The following TBC1D31 variants were observed in gnomAD, a reference collection of about 807,000 sequenced individuals.
TBC1D31 encodes TBC1 domain family member 31, also known as WD repeat domain 67.
In TBC1D31, 99 loss-of-function variants were observed where a neutral mutation model predicts 132.9. That is an observed-to-expected ratio of 0.74 (90% CI 0.63 to 0.88). TBC1D31 has a LOEUF of 0.88. Among genes scored for constraint, TBC1D31 ranks in the 40% least tolerant of loss-of-function variants. The pLI is 0.00. For missense variants in TBC1D31, 1,134 were observed against 1,256.6 expected, an observed-to-expected ratio of 0.90 and a Z score of 1.48; for synonymous variants, 385 against 419.4, an observed-to-expected ratio of 0.92 and a Z score of 1.00.
chr8:123,149,890 A>G (rs1822604000), intron 20 of TBC1D31, 146 bp from the exon 21 acceptor site: 1 of 550,208 alleles, frequency 1.8e-6, no homozygotes, highest in African/African-American at 1.9e-5. Context: ...TTGCCTTTTG[A>G]ATGTTGACCG....
rs1356365900 is a variant in TBC1D31 at position 123,152,026 on chromosome 8, A to G, written c.*87A>G. On this transcript the variant is annotated 3_prime_UTR_variant, in exon 22 of 22. Transcript: ENST00000287380. Reference sequence around the variant, plus strand: ...TTTAGATTATTTATTTAAAATTCCTATAAAGATCAGCCCTTTGTACAGAAA... The same window carrying G: ...TTTAGATTATTTATTTAAAATTCCTGTAAAGATCAGCCCTTTGTACAGAAA... The G allele has an allele frequency of 3.2e-6, 4 of 1,247,444 alleles. No homozygotes were observed. In the East Asian group the frequency reaches 8.5e-5, roughly 26 times the overall value. 77.3% of individuals were successfully genotyped at this position (1,247,444 alleles called of 1,614,324 possible). A position where few individuals can be genotyped will look rare whatever the true frequency, so the allele number is the denominator to read the frequency against.
chr8:123,142,292 C>CCA lies in TBC1D31; in HGVS notation c.2671_2672insCA (p.Gln891ProfsTer5). On this transcript the variant is annotated frameshift_variant, in exon 19 of 22. Coordinates refer to ENST00000287380, the MANE Select transcript of TBC1D31 (RefSeq NM_145647.4). LOFTEE classifies it high-confidence loss of function. ...TAAAGAAAATTTGGCAAAGGCTGAA[C>CCA]AAGCATGCCTAAATACCGACTGGCA... 1 of 1,579,926 alleles carries CCA rather than the reference C, an allele frequency of 6.3e-7. No individual in the cohort carries two copies. Among genetic ancestry groups the CCA allele is most frequent in the Non-Finnish European group, 8.6e-7 (1 of 1,168,108 alleles).
intron 19 of TBC1D31, among the ~76,000 whole-genome samples, chr8:123,143,050 C>T (rs1023976264): frequency 6.6e-6 from 1 of 152,128 alleles, no homozygotes; most frequent in Non-Finnish European, 1.5e-5. Flanking sequence ...TTCAGCCTTT[C>T]TGCACCTCTT....
intron 2 of TBC1D31, among the ~76,000 whole-genome samples, chr8:123,080,824 C>T (rs1042390992): frequency 1.3e-5 from 2 of 152,058 alleles, no homozygotes; most frequent in African/African-American, 4.8e-5. Flanking sequence ...CGTGAGCCAC[C>T]GCACCTGGCT....
At position 123,129,654 on chromosome 8, in the gene TBC1D31, G is replaced by T. The variant is rs548790589; in HGVS notation, c.2270+436G>T. On this transcript the variant is annotated intron_variant, in intron 15 of 21. Coordinates refer to ENST00000287380, the MANE Select transcript of TBC1D31 (RefSeq NM_145647.4). ...CCATTTAACACTTTGGAGGACAGGGGAATGAGTATTAAATGCGTATTCAAA... is the reference window on the plus strand; with the variant it reads ...CCATTTAACACTTTGGAGGACAGGGTAATGAGTATTAAATGCGTATTCAAA... Among the ~76,000 whole-genome samples, 171 of 152,254 alleles carry T rather than the reference G, an allele frequency of 1.1e-3. 2 individuals are homozygous for T. The highest frequency in any genetic ancestry group is 3.9e-3 in the African/African-American group (164 of 41,542).
At chr8:123,160,976 C>G in the TBC1D31 span, among the ~76,000 whole-genome samples, 1 of 152,158 alleles carries the variant, frequency 6.6e-6, no homozygotes, top group Admixed American at 6.5e-5. Flanking sequence ...TGGCTGCAGG[C>G]GCCCTGCTGG....
intron 1 of TBC1D31, chr8:123,073,516 C>T (rs1450262441): frequency 2.4e-6 from 1 of 408,720 alleles, no homozygotes; most frequent in South Asian, 1.8e-5. Context: ...TTCCCAGTTA[C>T]CTGTCCTGTT....
At position 123,130,250 on chromosome 8, in the gene TBC1D31, G is replaced by A. The variant is rs750324680; in HGVS notation, c.2323G>A (p.Ala775Thr). 3 of 1,613,062 alleles carry A rather than the reference G, an allele frequency of 1.9e-6. No individual in the cohort carries two copies. The highest frequency in any genetic ancestry group is 1.7e-4 in the Middle Eastern group (1 of 6,054). The change falls in exon 16 of 22, where the codon GCT becomes ACT. Residue 775 changes from alanine to threonine, a missense_variant. Physicochemically the swap from Ala to Thr is moderately conservative, Grantham distance 58. Transcript: ENST00000287380. ...AGTAAAGGAAATGCACTTACAAGAT[G>A]CTGCAAGAAGGCGTTTTCTGAAGCT... is the stretch of plus-strand genomic sequence containing the variant. ...LKVKEMHLQD[A>T]ARRRFLKLQQ...
chr8:123,143,005 A>G (rs1212699637), intron 19 of TBC1D31, among the ~76,000 whole-genome samples: 1 of 152,200 alleles, frequency 6.6e-6, no homozygotes, highest in African/African-American at 2.4e-5. Context: ...TAGGGTTAGT[A>G]TTGTGGCTCC....
intron 11 of TBC1D31, chr8:123,123,107 T>C (rs895466638): frequency 2.6e-5 from 4 of 152,230 alleles, no homozygotes; most frequent in African/African-American, 7.2e-5. Flanking sequence ...AACTAAACAC[T>C]GGCAAGGCAA....
chr8:123,147,052 G>A (rs1822282895), intron 20 of TBC1D31, among the ~76,000 whole-genome samples: 1 of 152,172 alleles, frequency 6.6e-6, no homozygotes. Context: ...CTTCAGGGAG[G>A]TGGAGAGGAG....
At chr8:123,087,863 G>C (rs1815925715) in intron 4 of TBC1D31, among the ~76,000 whole-genome samples, 1 of 152,210 alleles carries the variant, frequency 6.6e-6, no homozygotes, top group South Asian at 2.1e-4. Context: ...ATAGTGTGAT[G>C]TGTGCATATA....
In TBC1D31 at chr8:123,151,881, A is replaced by C. The variant is rs751959796; in HGVS notation, c.3143A>C (p.Gln1048Pro). ...ATTAAGAAAGTGAGAAATCTTCGCC[A>C]GAGACTCACTGCCCGGGCTCGTCAC... is the stretch of plus-strand genomic sequence containing the variant. ...NLIKKVRNLR[Q>P]RLTARARHRC... The change falls in exon 22 of 22, where the codon CAG becomes CCG. Residue 1048 changes from glutamine (Q) to proline (P), a missense_variant. Coordinates refer to ENST00000287380, the MANE Select transcript of TBC1D31 (RefSeq NM_145647.4). The C allele has an allele frequency of 1.9e-6, 3 of 1,593,420 alleles. No homozygotes were observed. In the Admixed American group the frequency reaches 5.5e-5, roughly 29 times the overall value.
intron 5 of TBC1D31, among the ~76,000 whole-genome samples, chr8:123,096,334 G>A (rs1159473151): frequency 6.6e-6 from 1 of 151,946 alleles, no homozygotes; most frequent in East Asian, 1.9e-4. Context: ...ATATGGCAAT[G>A]CACTTGAGTA....
At chr8:123,153,550 G>A (rs1387219477), downstream of TBC1D31, among the ~76,000 whole-genome samples, 1 of 152,172 alleles carries the variant, frequency 6.6e-6, no homozygotes, top group Non-Finnish European at 1.5e-5. Flanking sequence ...TAATCTTGAT[G>A]CAATCACTGC....
At chr8:123,076,621 A>AACTCG (rs1814540575) in intron 1 of TBC1D31, among the ~76,000 whole-genome samples, 1 of 152,158 alleles carries the variant, frequency 6.6e-6, no homozygotes, top group Non-Finnish European at 1.5e-5. Context: ...GTCCTTACAG[A>AACTCG]ACTCGCCTGC....
At chr8:123,083,993 A>C in intron 3 of TBC1D31, 169 bp from the exon 4 acceptor site, 1 of 595,098 alleles carries the variant, frequency 1.7e-6, no homozygotes, top group Non-Finnish European at 3.0e-6. Flanking sequence ...ATGTTCCGTC[A>C]TACACTTTAT....
In TBC1D31 at chr8:123,077,208, G is replaced by C. The variant is rs1410473998; in HGVS notation, c.175G>C (p.Ala59Pro). 1 of 1,612,728 alleles carries C rather than the reference G, an allele frequency of 6.2e-7. No homozygotes were observed. The highest frequency in any genetic ancestry group is 8.5e-7 in the Non-Finnish European group (1 of 1,179,566). The change falls in exon 2 of 22, where the codon GCT (alanine) becomes CCT (proline). Residue 59 changes from alanine (A) to proline (P), a missense_variant. Physicochemically the swap from Ala to Pro is conservative, Grantham distance 27 (BLOSUM62 -1). Coordinates refer to ENST00000287380, the MANE Select transcript of TBC1D31 (RefSeq NM_145647.4). The stretch of plus-strand genomic sequence containing the variant: ...TGATGGCACAGGCGACTGCTTAATT[G>C]CTGGGGACCACCAAGGAAATATTTA... Reference protein sequence around the residue: ...AFDGTGDCLIAGDHQGNIYVF... With the variant: ...AFDGTGDCLIPGDHQGNIYVF...
Position 123,100,826 on chromosome 8 carries a change from A to G in TBC1D31, c.851A>G (p.Gln284Arg), listed in dbSNP as rs779062563. ...GSNQVLGVLS[Q>R]DGIMRFINMQ... The stretch of plus-strand genomic sequence containing the variant: ...TCTTAGGTTCTTGGAGTACTAAGTC[A>G]AGATGGTATTATGAGATTTATCAAT... The change falls in exon 7 of 22, where the codon CAA (glutamine) becomes CGA (arginine). Residue 284 changes from glutamine to arginine, a missense_variant. By Grantham distance (43) the Gln-to-Arg change is conservative. Coordinates refer to ENST00000287380, the MANE Select transcript of TBC1D31 (RefSeq NM_145647.4). 1.9e-6 allele frequency: 3 copies of G among 1,613,566 alleles called. No homozygotes were observed. In the East Asian group the frequency reaches 6.7e-5, roughly 36 times the overall value.
Sources: gnomAD v4.1 joint callset for allele counts (sites outside exome capture counted in the v4.1 genomes callset) on GRCh38, gnomAD v4.1.1 for gene constraint, MANE v1.5 for transcripts, NCBI Gene and HGNC (gene_info 2026-07-23, HGNC 2026-07-21) for gene names.